AP3D1: variants seen among roughly 807,000 people sequenced by gnomAD.
AP3D1 encodes the protein AP-3 complex subunit delta-1.
A neutral mutation model predicts 147.6 loss-of-function variants in AP3D1; 51 were observed. The ratio of observed to expected loss-of-function variants is 0.35; its 90% CI spans 0.28 to 0.44. The LOEUF (loss-of-function observed/expected upper bound fraction) is 0.44, where lower values mean the gene tolerates loss of function less well. Ranked by LOEUF, AP3D1 falls within the 20% of genes least tolerant of loss-of-function variation. The pLI, the probability that AP3D1 is intolerant of heterozygous loss-of-function variation, is 1.00. For synonymous variants in AP3D1, 760 were observed against 663.0 expected (o/e 1.15, Z -2.25); for missense variants, 1,421 against 1,624.2 (o/e 0.87, Z 2.15).
At chr19:2,113,456 TC>T in intron 22 of AP3D1, 43 bp from the exon 23 acceptor site, 1 of 1,245,564 alleles carries the variant, frequency 8.0e-7, no homozygotes, top group South Asian at 1.8e-5. Flanking sequence ...AGTGCAATGG[TC>T]CTGGGAAGAG....
intron 15 of AP3D1, 97 bp from the exon 16 acceptor site, chr19:2,117,464 T>C: frequency 3.7e-6 from 5 of 1,340,390 alleles, no homozygotes; most frequent in Non-Finnish European, 4.9e-6. Flanking sequence ...CACAGTGACG[T>C]GTGGGCCCCC....
rs574857448 is a variant in AP3D1, at chr19:2,118,534, C to A, written c.1713+67G>T. 3.4e-6 allele frequency: 5 copies of A among 1,463,424 alleles called. No homozygotes were observed. In the African/African-American group the frequency reaches 5.6e-5, roughly 16 times the overall value. 90.7% of individuals were successfully genotyped at this position (1,463,424 alleles called of 1,614,324 possible). A position where few individuals can be genotyped will look rare whatever the true frequency, so the allele number is the denominator to read the frequency against. ...GGAAGCGAGGCCCCGTCGACCTGGC[C>A]GCCACTGGACAGAAAGGCACTGAGG... On this transcript the variant is annotated intron_variant, in intron 15 of 31. Coordinates refer to ENST00000643116, the MANE Select transcript of AP3D1 (RefSeq NM_001261826.3).
In AP3D1 at chr19:2,121,144, C is replaced by A. The variant is rs1458722923; in HGVS notation, c.1250+19G>T. The A allele has an allele frequency of 1.2e-6, 2 of 1,613,824 alleles. No homozygotes were observed. The highest frequency in any genetic ancestry group is 1.3e-5 in the African/African-American group (1 of 74,894). ...GGCGCCACGGAACCCCCGGCCACAC[C>A]CCTGGGAGCGGGACGCACCACTCGA... is the stretch of plus-strand genomic sequence containing the variant. On this transcript the variant is annotated intron_variant, in intron 13 of 31. Transcript: ENST00000643116.
chr19:2,160,660 A>G (rs2019689328), intron 1 of AP3D1, among the ~76,000 whole-genome samples: 1 of 152,190 alleles, frequency 6.6e-6, no homozygotes, highest in Non-Finnish European at 1.5e-5. Flanking sequence ...AGTGTGTCTT[A>G]GCCCGGATAA....
At position 2,115,351 on chromosome 19, in the gene AP3D1, C is replaced by T. The variant is rs768909827; in HGVS notation, c.2217G>A (p.Lys739=). 2 of 1,608,238 alleles carry T rather than the reference C, an allele frequency of 1.2e-6. No homozygotes were observed. The highest frequency in any genetic ancestry group is 2.2e-5 in the East Asian group (1 of 44,888). ...CCTTCCTCTTTTTCCTCCTCTTGTC[C>T]TTCTCCAGCTTCTGCCGGTGCCGCC... is the stretch of plus-strand genomic sequence containing the variant. The part of the protein sequence containing the change: ...EERRHRQKLE[K]DKRRKKRKEK... The change falls in exon 20 of 32, where the codon AAG becomes AAA. Residue 739 remains lysine, a synonymous_variant. Transcript: ENST00000643116.
chr19:2,164,141 C>T, intron 1 of AP3D1: 1 of 1,150,648 alleles, frequency 8.7e-7, no homozygotes, highest in Non-Finnish European at 1.1e-6. Flanking sequence ...CCGCCCCTCC[C>T]CCAACCGCCC....
rs1474037446 is a variant in AP3D1, at chr19:2,115,231, C to G, written c.2337G>C (p.Glu779Asp). The change falls in exon 20 of 32, where the codon GAG becomes GAC. Residue 779 changes from glutamate (E) to aspartate (D), a missense_variant. Physicochemically the swap from Glu to Asp is conservative, Grantham distance 45. Coordinates refer to ENST00000643116, the MANE Select transcript of AP3D1 (RefSeq NM_001261826.3). ...APAQQVDIVT[E>D]EMPENALPSD... ...CAGCGAGGCTGACCTCAGGCATCTCCTCTGTGACGATGTCCACCTGCTGGG... is the reference window on the plus strand; with the variant it reads ...CAGCGAGGCTGACCTCAGGCATCTCGTCTGTGACGATGTCCACCTGCTGGG... The G allele has an allele frequency of 6.2e-7, 1 of 1,613,266 alleles. No homozygotes were observed. The highest frequency in any genetic ancestry group is 2.2e-5 in the East Asian group (1 of 44,874).
intron 14 of AP3D1, 54 bp downstream of exon 14, chr19:2,120,808 T>C: frequency 6.5e-7 from 1 of 1,545,914 alleles, no homozygotes; most frequent in South Asian, 1.1e-5. Flanking sequence ...CCCTGGTCCC[T>C]ACCCCTCAGA....
At chr19:2,108,591 T>G in intron 31 of AP3D1, 96 bp downstream of exon 31, 1 of 1,188,886 alleles carries the variant, frequency 8.4e-7, no homozygotes, top group Non-Finnish European at 1.2e-6. Flanking sequence ...CCTCGAGCCC[T>G]CTAAGTCCCA....
At chr19:2,107,019 T>C (rs2018128655) in intron 31 of AP3D1, among the ~76,000 whole-genome samples, 1 of 152,032 alleles carries the variant, frequency 6.6e-6, no homozygotes, top group East Asian at 1.9e-4. Flanking sequence ...ATCCCAGCAC[T>C]TTGGGAGGCC....
At position 2,118,664 on chromosome 19, in the gene AP3D1, G is replaced by C; in HGVS notation, c.1650C>G (p.Thr550=). 1.2e-6 allele frequency: 2 copies of C among 1,612,944 alleles called. No individual in the cohort carries two copies. Among genetic ancestry groups the C allele is most frequent in the Non-Finnish European group, 1.7e-6 (2 of 1,180,028 alleles). ...GGGGCAGCCGGTCCACCATGAGCTG[G>C]GTGACGGCCTGAGCGCCCTCTGCCT... ...AGEAEGAQAV[T]QLMVDRLPQF... is the part of the protein sequence containing the mutation. The change falls in exon 15 of 32, where the codon ACC becomes ACG. Residue 550 remains threonine (T), a synonymous_variant. Transcript: ENST00000643116.
intron 9 of AP3D1, among the ~76,000 whole-genome samples, chr19:2,126,664 AAAAAAAAG>A (rs1429963526): frequency 2.0e-5 from 3 of 151,842 alleles, no homozygotes; most frequent in East Asian, 1.9e-4. Context: ...AAAAAAAAAA[AAAAAAAAG>A]AAAGAAAAAG....
At chr19:2,127,601 T>G (rs1252500540) in intron 8 of AP3D1, among the ~76,000 whole-genome samples, 2 of 152,170 alleles carry the variant, frequency 1.3e-5, no homozygotes, top group African/African-American at 4.8e-5. Flanking sequence ...CTCGGCTCAC[T>G]GCGACCTCCG....
intron 1 of AP3D1, among the ~76,000 whole-genome samples, chr19:2,143,230 ATTTTTTT>A (rs776434810): frequency 3.8e-4 from 28 of 74,342 alleles, no homozygotes; most frequent in African/African-American, 1.1e-3. Context: ...TGCCTGCCTA[ATTTTTTT>A]TTTTTTTTTT....
intron 31 of AP3D1, among the ~76,000 whole-genome samples, chr19:2,106,022 G>C (rs948973411): frequency 6.6e-6 from 1 of 152,044 alleles, no homozygotes; most frequent in African/African-American, 2.4e-5. Context: ...GCTTGAACCC[G>C]GGAGGAGCTG....
At chr19:2,118,346 T>C (rs1439860003) in intron 15 of AP3D1, among the ~76,000 whole-genome samples, 2 of 152,174 alleles carry the variant, frequency 1.3e-5, no homozygotes, top group African/African-American at 2.4e-5. Context: ...AACCTCTTCC[T>C]GTGGCCAGGA....
intron 2 of AP3D1, 118 bp downstream of exon 2, chr19:2,138,501 C>G (rs1431543280): frequency 7.4e-6 from 6 of 811,332 alleles, no homozygotes; most frequent in Non-Finnish European, 1.2e-5. Context: ...AGTGGCTCAC[C>G]GACAGCAGGT....
intron 10 of AP3D1, 125 bp downstream of exon 10, chr19:2,123,705 C>T (rs1388893350): frequency 2.4e-6 from 3 of 1,227,512 alleles, no homozygotes; most frequent in East Asian, 2.5e-5. Flanking sequence ...GCTGTGCCCT[C>T]CCAAGCCGCA....
rs774547405 is a variant in AP3D1, at chr19:2,109,087, G to A, written c.3471C>T (p.Ser1157=). The A allele has an allele frequency of 1.4e-5, 23 of 1,608,028 alleles. No homozygotes were observed. The highest frequency in any genetic ancestry group is 2.7e-5 in the African/African-American group (2 of 74,506). ...CCATCAGCCCCTCACTCTCCTTACC[G>A]GAAAAATGGTGGTGAAAACAGATCT... ...LAKICFHHHF[S]VVERVDSCAS... is the part of the protein sequence containing the mutation. Residue 1157 remains serine, a splice_region_variant and synonymous_variant, in exon 30 of 32, where the codon TCC becomes TCT. Transcript: ENST00000643116.
Sources: gnomAD v4.1 joint callset for allele counts (sites outside exome capture counted in the v4.1 genomes callset) on GRCh38, gnomAD v4.1.1 for gene constraint, MANE v1.5 for transcripts, NCBI Gene and HGNC (gene_info 2026-07-23, HGNC 2026-07-21) for gene names.